APOB: variants seen among roughly 807,000 people sequenced by gnomAD.
The protein encoded by APOB is apolipoprotein B-100.
A neutral mutation model predicts 314.1 loss-of-function variants in APOB; 153 were observed. The observed-to-expected ratio is 0.49, with a 90% CI of 0.43 to 0.56. The LOEUF (loss-of-function observed/expected upper bound fraction) is 0.56, where lower values mean the gene tolerates loss of function less well. APOB is among the 20% of genes least tolerant of loss of function. The pLI, the probability that APOB is intolerant of heterozygous loss-of-function variation, is 0.00. For synonymous variants in APOB, 2,087 were observed against 2,036.4 expected, an observed-to-expected ratio of 1.02 and a Z score of -0.67; for missense variants, 5,430 against 5,350.7, an observed-to-expected ratio of 1.01 and a Z score of -0.46.
At position 21,009,422 on chromosome 2, in the gene APOB, T is replaced by A. The variant is rs1281732110; in HGVS notation, c.7446A>T (p.Glu2482Asp). 6.2e-7 allele frequency: 1 copy of A among 1,614,082 alleles called. No individual in the cohort carries two copies. Among genetic ancestry groups the A allele is most frequent in the Admixed American group, 1.7e-5 (1 of 60,010 alleles). The change falls in exon 26 of 29, where the codon GAA becomes GAT. Residue 2482 changes from glutamate to aspartate, a missense_variant. Physicochemically the swap from Glu to Asp is conservative, Grantham distance 45 (BLOSUM62 2). Around this residue, in one of 3 missense-constraint regions of APOB, gnomAD observed 3,281 missense variants for 3,171.0 expected, o/e 1.03. Coordinates refer to ENST00000233242, the MANE Select transcript of APOB (RefSeq NM_000384.3). ...ETKATVAVYL[E>D]SLQDTKITLI... ...AGGTTATTTTGGTGTCCTGTAGGCT[T>A]TCCAGATACACTGCAACTGTGGCCT...
chr2:21,016,656 G>A lies in APOB; in HGVS notation c.3122-7C>T, dbSNP rs757763822. Reference sequence around the variant, plus strand: ...GCCTCAGTCTGCTTCGCACCTGGACGAGTGTATAAGAGAATCAAGAGATGT... The same window carrying A: ...GCCTCAGTCTGCTTCGCACCTGGACAAGTGTATAAGAGAATCAAGAGATGT... On this transcript the variant is annotated splice_region_variant and splice_polypyrimidine_tract_variant and intron_variant, in intron 20 of 28. Transcript: ENST00000233242. 19 of 1,556,188 alleles carry A rather than the reference G, an allele frequency of 1.2e-5. No individual in the cohort carries two copies. Among genetic ancestry groups the A allele is most frequent in the South Asian group, 5.6e-5 (5 of 89,988 alleles).
chr2:21,017,952 C>G (rs569078163), intron 20 of APOB, among the ~76,000 whole-genome samples: 1 of 152,256 alleles, frequency 6.6e-6, no homozygotes, highest in South Asian at 2.1e-4. Context: ...TCCTCGCTAT[C>G]CCTATATAAT....
Position 21,011,774 on chromosome 2 carries a change from A to C in APOB, c.5094T>G (p.Ser1698Arg), listed in dbSNP as rs765856075. ...CTGTGAGGGCGGCTTTCCCATCCAG[A>C]CTGAATTTTGCATTGTGTTCCCTGA... Reference protein sequence around the residue: ...GRFREHNAKFSLDGKAALTEL... With the variant: ...GRFREHNAKFRLDGKAALTEL... Residue 1698 changes from serine to arginine, a missense_variant, in exon 26 of 29, where the codon AGT (serine) becomes AGG (arginine). Coordinates refer to ENST00000233242, the MANE Select transcript of APOB (RefSeq NM_000384.3). The C allele has an allele frequency of 6.2e-7, 1 of 1,613,958 alleles. No individual in the cohort carries two copies. The highest frequency in any genetic ancestry group is 1.3e-5 in the African/African-American group (1 of 74,944).
intron 21 of APOB, among the ~76,000 whole-genome samples, chr2:21,016,171 C>G (rs772905250): frequency 3.3e-5 from 5 of 152,108 alleles, no homozygotes; most frequent in Non-Finnish European, 7.3e-5. Context: ...ACCTATAGTT[C>G]CAGCTCCTTG....
rs552235635 is a variant in APOB at position 21,014,690 on chromosome 2, T to C, written c.3697-97A>G. ...AAATACCGATTTGACAAGTTAATTA[T>C]TAAGCTGGACAATGCACTGAAAGTT... On this transcript the variant is annotated intron_variant, in intron 23 of 28. Transcript: ENST00000233242. 2.1e-5 allele frequency: 28 copies of C among 1,308,278 alleles called. No individual in the cohort carries two copies. The East Asian group carries it at 5.1e-4, about 24-fold the overall frequency. 81.0% of individuals were successfully genotyped at this position (1,308,278 alleles called of 1,614,324 possible). A position where few individuals can be genotyped will look rare whatever the true frequency, so the allele number is the denominator to read the frequency against.
Position 21,007,369 on chromosome 2 carries a change from G to A in APOB, c.9499C>T (p.Gln3167Ter), listed in dbSNP as rs1663172884. The A allele has an allele frequency of 6.2e-7, 1 of 1,613,858 alleles. No individual in the cohort carries two copies. The highest frequency in any genetic ancestry group is 1.3e-5 in the African/African-American group (1 of 74,898). Reference sequence around the variant, plus strand: ...GCTTTTACACTTAAATCAAATGATTGCTTTGTCGTTTTCAAGAATTCCTTC... The same window carrying A: ...GCTTTTACACTTAAATCAAATGATTACTTTGTCGTTTTCAAGAATTCCTTC... ...GLKEFLKTTK[Q>*]SFDLSVKAQY... Residue 3167 changes from glutamine to a stop codon, truncating the protein, a stop_gained, in exon 26 of 29, where the codon CAA becomes TAA. Coordinates refer to ENST00000233242, the MANE Select transcript of APOB (RefSeq NM_000384.3). LOFTEE classifies it high-confidence loss of function.
At chr2:21,015,640 C>T in intron 21 of APOB, 95 bp from the exon 22 acceptor site, 1 of 1,335,246 alleles carries the variant, frequency 7.5e-7, no homozygotes. Context: ...TGATCAAAAC[C>T]AGATACAAGG....
intron 8 of APOB, 37 bp downstream of exon 8, chr2:21,034,779 T>C (rs1558574912): frequency 8.4e-7 from 1 of 1,186,166 alleles, no homozygotes; most frequent in African/African-American, 1.5e-5. Flanking sequence ...ACATCTTGAG[T>C]AGATTTTCCA....
chr2:21,008,441 T>C lies in APOB; in HGVS notation c.8427A>G (p.Gln2809=), dbSNP rs772914143. The change falls in exon 26 of 29, where the codon CAA becomes CAG. Residue 2809 remains glutamine, a synonymous_variant. Transcript: ENST00000233242. ...SKLEVLNFDF[Q]ANAQLSNPKI... is the part of the protein sequence containing the mutation. The stretch of plus-strand genomic sequence containing the variant: ...TAGGGTTTGAGAGTTGTGCATTTGC[T>C]TGAAAATCAAAATTGAGAACTTCTA... The C allele has an allele frequency of 9.9e-6, 16 of 1,614,122 alleles. No individual in the cohort carries two copies. In the South Asian group the frequency reaches 1.8e-4, roughly 18 times the overall value.
At chr2:21,027,776 T>C in intron 14 of APOB, 52 bp downstream of exon 14, 3 of 1,415,196 alleles carry the variant, frequency 2.1e-6, no homozygotes, top group Non-Finnish European at 3.0e-6. Context: ...GGACTCTCTG[T>C]TTATGATGCT....
At chr2:21,027,107 G>A in intron 14 of APOB, 143 bp from the exon 15 acceptor site, 1 of 769,556 alleles carries the variant, frequency 1.3e-6, no homozygotes. Flanking sequence ...TTTCACAGGA[G>A]CTGCTTTATT....
At chr2:21,022,484 A>G (rs1287954495) in intron 18 of APOB, among the ~76,000 whole-genome samples, 1 of 152,180 alleles carries the variant, frequency 6.6e-6, no homozygotes, top group Non-Finnish European at 1.5e-5. Flanking sequence ...TTTTCCAAAG[A>G]TGATCTCTCC....
chr2:21,011,298 G>A lies in APOB; in HGVS notation c.5570C>T (p.Ala1857Val). 1 of 1,614,198 alleles carries A rather than the reference G, an allele frequency of 6.2e-7. No homozygotes were observed. The highest frequency in any genetic ancestry group is 2.2e-5 in the East Asian group (1 of 44,890). Residue 1857 changes from alanine (A) to valine (V), a missense_variant, in exon 26 of 29, where the codon GCT becomes GTT. Physicochemically the swap from Ala to Val is moderately conservative, Grantham distance 64. Transcript: ENST00000233242. ...LSASYKADTVAKVQGVEFSHR... is the reference protein window; with the variant it reads ...LSASYKADTVVKVQGVEFSHR... ...GCTAAACTCCACACCCTGAACCTTA[G>A]CAACAGTGTCTGCTTTATAGCTTGC...
In APOB at chr2:21,007,508, T is replaced by G. The variant is rs759318264; in HGVS notation, c.9360A>C (p.Glu3120Asp). Residue 3120 changes from glutamate (E) to aspartate (D), a missense_variant, in exon 26 of 29, where the codon GAA becomes GAC. Around this residue, in one of 3 missense-constraint regions of APOB, gnomAD observed 3,281 missense variants for 3,171.0 expected, o/e 1.03. Transcript: ENST00000233242. ...IMEAHVGING[E>D]ANLDFLNIPL... ...GAATGTTTAAGAAATCCAGATTTGC[T>G]TCTCCATTTATTCCTACATGGGCCT... 4 of 1,614,008 alleles carry G rather than the reference T, an allele frequency of 2.5e-6. No homozygotes were observed. Among genetic ancestry groups the G allele is most frequent in the Middle Eastern group, 1.6e-4 (1 of 6,084 alleles).
Position 21,010,984 on chromosome 2 carries a change from C to A in APOB, c.5884G>T (p.Ala1962Ser), listed in dbSNP as rs764121496. The change falls in exon 26 of 29, where the codon GCA becomes TCA. Residue 1962 changes from alanine (A) to serine (S), a missense_variant. Ala to Ser is a moderately conservative substitution (Grantham distance 99). Transcript: ENST00000233242. ...GCACTGACTTTGTGTTCAAGAGCTGCACTGATGCTTTTCCTAGACACGAGA... is the reference window on the plus strand; with the variant it reads ...GCACTGACTTTGTGTTCAAGAGCTGAACTGATGCTTTTCCTAGACACGAGA... Reference protein sequence around the residue: ...HHLVSRKSISAALEHKVSALL... With the variant: ...HHLVSRKSISSALEHKVSALL... 1.2e-6 allele frequency: 2 copies of A among 1,614,166 alleles called. No homozygotes were observed. Among genetic ancestry groups the A allele is most frequent in the East Asian group, 4.5e-5 (2 of 44,884 alleles).
At position 21,032,481 on chromosome 2, in the gene APOB, C is replaced by G; in HGVS notation, c.1225G>C (p.Asp409His). Reference sequence around the variant, plus strand: ...AGGGCCACCAGGTAGGTGACCACATCTATCAGAAGGGGGTTGGCATGCACA... The same window carrying G: ...AGGGCCACCAGGTAGGTGACCACATGTATCAGAAGGGGGTTGGCATGCACA... ...KRVHANPLLI[D>H]VVTYLVALIP... The change falls in exon 10 of 29, where the codon GAT (aspartate) becomes CAT (histidine). Residue 409 changes from aspartate to histidine, a missense_variant. This residue lies in a region of APOB where 2,085 missense variants were observed against 2,079.7 expected (regional missense o/e 1.00). Coordinates refer to ENST00000233242, the MANE Select transcript of APOB (RefSeq NM_000384.3). The G allele has an allele frequency of 6.2e-7, 1 of 1,614,172 alleles. No individual in the cohort carries two copies. The highest frequency in any genetic ancestry group is 8.5e-7 in the Non-Finnish European group (1 of 1,180,028).
At position 21,002,179 on chromosome 2, in the gene APOB, AC is replaced by A. The variant is rs1663000363; in HGVS notation, c.13242del (p.Leu4415Ter). On this transcript the variant is annotated frameshift_variant, in exon 29 of 29. Transcript: ENST00000233242. LOFTEE classifies it low-confidence loss of function (END_TRUNC). ...EEKIVSLIKN[L>X]LVALKDFHSE... Reference sequence around the variant, plus strand: ...GAATGGAAGTCCTTAAGAGCAACTAACAGGTTCTTGATCAGACTGACTATCT... The same window carrying A: ...GAATGGAAGTCCTTAAGAGCAACTAAAGGTTCTTGATCAGACTGACTATCT... 8.1e-6 allele frequency: 13 copies of A among 1,613,868 alleles called. No homozygotes were observed. Among genetic ancestry groups the A allele is most frequent in the African/African-American group, 1.3e-5 (1 of 74,918 alleles).
In APOB at chr2:21,002,061, A is replaced by G. The variant is rs746732981; in HGVS notation, c.13361T>C (p.Ile4454Thr). 1 of 1,613,984 alleles carries G rather than the reference A, an allele frequency of 6.2e-7. No homozygotes were observed. The highest frequency in any genetic ancestry group is 1.1e-5 in the South Asian group (1 of 91,078). The change falls in exon 29 of 29, where the codon ATC becomes ACC. Residue 4454 changes from isoleucine (I) to threonine (T), a missense_variant. Ile to Thr is a moderately conservative substitution (Grantham distance 89). Coordinates refer to ENST00000233242, the MANE Select transcript of APOB (RefSeq NM_000384.3). ...CCCTTTTCCATCTGGATCGGTAAGG[A>G]TGCTAAGATATTCCTGAATATTTCT... Reference protein sequence around the residue: ...LHRNIQEYLSILTDPDGKGKE... With the variant: ...LHRNIQEYLSTLTDPDGKGKE...
chr2:21,026,252 CT>C (rs35046475), intron 15 of APOB, among the ~76,000 whole-genome samples: 425 of 144,882 alleles, frequency 2.9e-3, no homozygotes, highest in Middle Eastern at 3.7e-3. Flanking sequence ...AGAGTTCATA[CT>C]TTTTTTTTTT....
Sources: gnomAD v4.1 joint callset for allele counts (sites outside exome capture counted in the v4.1 genomes callset) on GRCh38, gnomAD v4.1.1 for gene constraint, gnomAD v4.1.1 regional missense constraint, MANE v1.5 for transcripts, NCBI Gene and HGNC (gene_info 2026-07-23, HGNC 2026-07-21) for gene names.